The following MLIP variants were observed in gnomAD, a reference collection of about 807,000 sequenced individuals.
MLIP encodes muscular LMNA-interacting protein.
MLIP carries 79 observed loss-of-function variants against 84.8 expected under a neutral mutation model. The observed-to-expected ratio is 0.93, with a 90% CI of 0.78 to 1.12. The LOEUF is 1.12. Among genes scored for constraint, MLIP ranks in the 50% most tolerant of loss-of-function variants. MLIP has a pLI of 0.00. For synonymous variants in MLIP, 504 were observed against 463.0 expected, an observed-to-expected ratio of 1.09 and a Z score of -1.14; for missense variants, 1,257 against 1,160.6, an observed-to-expected ratio of 1.08 and a Z score of -1.21.
At chr6:54,032,091 C>A (rs1764173137) in intron 1 of MLIP, among the ~76,000 whole-genome samples, 1 of 152,094 alleles carries the variant, frequency 6.6e-6, no homozygotes, top group African/African-American at 2.4e-5. Context: ...GAAAGTGGAA[C>A]AGGAGAGTTC....
intron 10 of MLIP, among the ~76,000 whole-genome samples, chr6:54,195,505 G>T (rs778252020): frequency 6.6e-6 from 1 of 152,056 alleles, no homozygotes; most frequent in Non-Finnish European, 1.5e-5. Flanking sequence ...CTAGGTCAGC[G>T]CTGGTAGTTA....
At chr6:54,161,012 T>G (rs544804370) in intron 8 of MLIP, among the ~76,000 whole-genome samples, 2 of 152,216 alleles carry the variant, frequency 1.3e-5, no homozygotes, top group Non-Finnish European at 2.9e-5. Flanking sequence ...GCACATATAA[T>G]GCAAGGTAAG....
At chr6:54,185,635 A>G (rs1417133734) in intron 9 of MLIP, among the ~76,000 whole-genome samples, 2 of 152,212 alleles carry the variant, frequency 1.3e-5, no homozygotes, top group Non-Finnish European at 2.9e-5. Context: ...TTTATTGTTA[A>G]TATGTAACTT....
At chr6:54,071,149 G>A (rs1766461250) in intron 1 of MLIP, among the ~76,000 whole-genome samples, 1 of 151,820 alleles carries the variant, frequency 6.6e-6, no homozygotes, top group African/African-American at 2.4e-5. Context: ...GGAGAGAAAT[G>A]GTTTACATAA....
chr6:54,218,716 A>G (rs1273756034), intron 11 of MLIP, among the ~76,000 whole-genome samples: 2 of 151,926 alleles, frequency 1.3e-5, no homozygotes, highest in Admixed American at 1.3e-4. Context: ...GGATTTTGCC[A>G]TGTTAGCAAG....
intron 12 of MLIP, among the ~76,000 whole-genome samples, chr6:54,239,356 C>CAT (rs1554191427): frequency 1.4e-5 from 2 of 140,590 alleles, no homozygotes; most frequent in South Asian, 2.1e-4. Context: ...GCCATTTAAA[C>CAT]ATATATATAT....
rs781238225 is a variant in MLIP, at chr6:54,042,807, C to T, written c.63+23716C>T. 1.8e-4 allele frequency among the ~76,000 whole-genome samples: 28 copies of T among 152,076 alleles called. 1 individual carries two copies. Among genetic ancestry groups the T allele is most frequent in the African/African-American group, 1.2e-4 (5 of 41,398 alleles). On this transcript the variant is annotated intron_variant, in intron 1 of 12. Coordinates refer to the MLIP transcript ENST00000274897. ...AATAAAGCTAACATCAGTTGAGTAA[C>T]GTATGTCACAATTTCTTGAAATTTG...
chr6:54,060,023 G>A (rs1033996827), intron 1 of MLIP, among the ~76,000 whole-genome samples: 2 of 47,398 alleles, frequency 4.2e-5, no homozygotes, highest in Non-Finnish European at 1.3e-4. Context: ...TTTGATTAAC[G>A]ATTTTTAAAA....
chr6:54,022,209 A>G (rs368525564), intron 1 of MLIP, among the ~76,000 whole-genome samples: 74 of 152,334 alleles, frequency 4.9e-4, no homozygotes, highest in African/African-American at 1.4e-3. Flanking sequence ...CAGGAAATGC[A>G]CTATACAACA....
At chr6:54,083,247 G>A (rs1046220137) in intron 1 of MLIP, among the ~76,000 whole-genome samples, 1 of 152,084 alleles carries the variant, frequency 6.6e-6, no homozygotes, top group African/African-American at 2.4e-5. Flanking sequence ...TTGTAGCCAA[G>A]TCAGATTAGG....
intron 1 of MLIP, among the ~76,000 whole-genome samples, chr6:54,076,973 C>G (rs747206260): frequency 3.3e-5 from 5 of 152,168 alleles, no homozygotes; most frequent in Non-Finnish European, 7.3e-5. Flanking sequence ...TTTCCTTGCT[C>G]TAGTCCAGGA....
At chr6:54,213,189 CTG>C (rs763469465) in intron 11 of MLIP, among the ~76,000 whole-genome samples, 10 of 152,098 alleles carry the variant, frequency 6.6e-5, no homozygotes, top group Non-Finnish European at 1.0e-4. Context: ...TAAAAAGACT[CTG>C]TATAAGAAAA....
At chr6:54,025,513 A>C (rs1763750001) in intron 1 of MLIP, among the ~76,000 whole-genome samples, 1 of 152,222 alleles carries the variant, frequency 6.6e-6, no homozygotes, top group African/African-American at 2.4e-5. Context: ...GATGACCTAA[A>C]TGAAGGAAAG....
intron 1 of MLIP, among the ~76,000 whole-genome samples, chr6:54,117,460 C>G (rs1051619288): frequency 6.6e-6 from 1 of 151,112 alleles, no homozygotes; most frequent in African/African-American, 2.4e-5. Context: ...GTGAGCCACC[C>G]ACCTCAGCCT....
At chr6:54,023,970 G>A (rs1420206182) in intron 1 of MLIP, among the ~76,000 whole-genome samples, 1 of 152,162 alleles carries the variant, frequency 6.6e-6, no homozygotes, top group Non-Finnish European at 1.5e-5. Context: ...TTAGAATTCT[G>A]TGATAATTCA....
At chr6:54,216,457 C>A in intron 11 of MLIP, 1 of 985,324 alleles carries the variant, frequency 1.0e-6, no homozygotes, top group Non-Finnish European at 1.2e-6. Context: ...GAGTGTTTTT[C>A]TTTCTTTTCC....
chr6:54,138,219 G>A lies in MLIP; in HGVS notation c.2150G>A (p.Arg717Lys). 2.6e-6 allele frequency: 4 copies of A among 1,536,052 alleles called. No individual in the cohort carries two copies. The highest frequency in any genetic ancestry group is 3.5e-6 in the Non-Finnish European group (4 of 1,146,866). The change falls in exon 4 of 14, where the codon AGG (arginine) becomes AAG (lysine). Residue 717 changes from arginine (R) to lysine (K), a missense_variant. Coordinates refer to ENST00000502396, the MANE Select transcript of MLIP (RefSeq NM_001281747.2). ...CCATCACTTCCCATATCTCTAACAA[G>A]GACAGAGGAGCTGATTTCACCTTGT... Reference protein sequence around the residue: ...STPSLPISLTRTEELISPCAL... With the variant: ...STPSLPISLTKTEELISPCAL...
At chr6:54,256,977 C>T (rs143672696) in intron 12 of MLIP, among the ~76,000 whole-genome samples, 62 of 152,166 alleles carry the variant, frequency 4.1e-4, no homozygotes, top group African/African-American at 1.3e-3. Context: ...TTTGTTTCCT[C>T]TCTATGAAAT....
chr6:54,150,283 T>C lies in MLIP; in HGVS notation c.2289+1156T>C, dbSNP rs180895632. On this transcript the variant is annotated intron_variant, in intron 5 of 13. Coordinates refer to ENST00000502396, the MANE Select transcript of MLIP (RefSeq NM_001281747.2). ...AGGTTCACTAGGCTGCAGGAAAATC[T>C]GCAGCTTTTTCCCTAGCATCTCTCC... 8.5e-5 allele frequency among the ~76,000 whole-genome samples: 13 copies of C among 152,324 alleles called. No homozygotes were observed. In the East Asian group the frequency reaches 2.3e-3, roughly 27 times the overall value.
Sources: allele counts gnomAD v4.1 joint callset (sites outside exome capture counted in the v4.1 genomes callset), GRCh38; gene constraint gnomAD v4.1.1; transcripts MANE v1.5; gene names NCBI Gene and HGNC (gene_info 2026-07-23, HGNC 2026-07-21).